The following PLEKHH2 variants were observed in gnomAD, a reference collection of about 807,000 sequenced individuals.
PLEKHH2 encodes the protein pleckstrin homology, MyTH4 and FERM domain containing H2, also known as pleckstrin homology domain-containing family H member 2.
PLEKHH2 carries 129 observed loss-of-function variants against 187.9 expected under a neutral mutation model. The observed-to-expected ratio is 0.69, with a 90% confidence interval of 0.59 to 0.79. PLEKHH2 has a LOEUF of 0.79. PLEKHH2 is among the 30% of genes least tolerant of loss of function. PLEKHH2 has a pLI of 0.00. For synonymous variants in PLEKHH2, 686 were observed against 605.6 expected, an observed-to-expected ratio of 1.13 and a Z score of -1.95; for missense variants, 2,076 against 1,751.2, an observed-to-expected ratio of 1.19 and a Z score of -3.31.
At chr2:43,743,080 G>A (rs539111108) in intron 22 of PLEKHH2, among the ~76,000 whole-genome samples, 162 bp downstream of exon 22, 1 of 152,276 alleles carries the variant, frequency 6.6e-6, no homozygotes, top group African/African-American at 2.4e-5. Context: ...AAACAGTTTT[G>A]CTATAAAGGA....
intron 23 of PLEKHH2, among the ~76,000 whole-genome samples, chr2:43,744,884 A>AAAAG (rs1418867557): frequency 6.1e-4 from 91 of 149,466 alleles, no homozygotes; most frequent in African/African-American, 1.4e-3. Flanking sequence ...AAAAAAAAAA[A>AAAAG]AAAGAAAAAG....
intron 15 of PLEKHH2, among the ~76,000 whole-genome samples, chr2:43,712,662 C>T (rs1370646483): frequency 3.3e-5 from 5 of 152,054 alleles, no homozygotes; most frequent in African/African-American, 4.8e-5. Flanking sequence ...GTATTTGAAA[C>T]ATGTGAAAAC....
chr2:43,739,640 G>A (rs1405751013), intron 20 of PLEKHH2, among the ~76,000 whole-genome samples: 1 of 152,160 alleles, frequency 6.6e-6, no homozygotes, highest in Non-Finnish European at 1.5e-5. Flanking sequence ...TGCCCAAGAG[G>A]GAATCTGAAG....
intron 16 of PLEKHH2, 69 bp from the exon 17 acceptor site, chr2:43,726,203 A>C (rs1670736245): frequency 1.9e-6 from 2 of 1,029,078 alleles, no homozygotes; most frequent in South Asian, 3.3e-5. Flanking sequence ...AATGAAAAGG[A>C]CTATGAAATG....
At chr2:43,675,854 AC>A in intron 2 of PLEKHH2, 1 of 1,614,076 alleles carries the variant, frequency 6.2e-7, no homozygotes, top group Non-Finnish European at 8.5e-7. Context: ...TCCCTTGTAA[AC>A]AAAAGGTACT....
chr2:43,754,258 G>C (rs780911086), intron 25 of PLEKHH2, among the ~76,000 whole-genome samples: 1 of 151,844 alleles, frequency 6.6e-6, no homozygotes, highest in African/African-American at 2.4e-5. Flanking sequence ...CTCACATAGA[G>C]AGCGAGGCAT....
At chr2:43,727,217 A>G (rs1447844460) in intron 17 of PLEKHH2, among the ~76,000 whole-genome samples, 1 of 152,166 alleles carries the variant, frequency 6.6e-6, no homozygotes, top group Non-Finnish European at 1.5e-5. Flanking sequence ...GATCGAGACC[A>G]TCTTGGCCAA....
chr2:43,694,681 T>C (rs1272525221), intron 5 of PLEKHH2, among the ~76,000 whole-genome samples, 167 bp downstream of exon 5: 1 of 152,190 alleles, frequency 6.6e-6, no homozygotes, highest in Non-Finnish European at 1.5e-5. Flanking sequence ...TAATATCCAG[T>C]GTATTTTAAA....
chr2:43,729,843 C>T (rs1016828036), intron 18 of PLEKHH2, 98 bp downstream of exon 18: 1 of 702,010 alleles, frequency 1.4e-6, no homozygotes, highest in South Asian at 3.0e-5. Context: ...TTCCTGTTTC[C>T]CTGAAATATA....
intron 11 of PLEKHH2, among the ~76,000 whole-genome samples, 199 bp downstream of exon 11, chr2:43,707,744 AG>A (rs1271132971): frequency 2.0e-5 from 2 of 102,186 alleles, no homozygotes; most frequent in African/African-American, 1.1e-4. Context: ...CAAATTATAT[AG>A]TTTTTTTTTT....
intron 2 of PLEKHH2, chr2:43,676,266 G>A (rs1558462904): frequency 6.2e-7 from 1 of 1,613,670 alleles, no homozygotes; most frequent in African/African-American, 1.3e-5. Flanking sequence ...TCAAAACCCA[G>A]GAAATGCTCC....
intron 2 of PLEKHH2, chr2:43,658,973 C>CT (rs34486426): frequency 0.41 from 50,793 of 122,712 alleles, 11,694 homozygotes; most frequent in Non-Finnish European, 0.48. Flanking sequence ...TTTTTTCTTT[C>CT]TTTTTTTTTT....
chr2:43,656,214 C>A (rs948128304), intron 2 of PLEKHH2, among the ~76,000 whole-genome samples: 3 of 152,180 alleles, frequency 2.0e-5, no homozygotes, highest in African/African-American at 7.2e-5. Flanking sequence ...GCCTCTGTCT[C>A]CCAAAGTGCT....
At chr2:43,725,296 C>A (rs1670686884) in intron 16 of PLEKHH2, among the ~76,000 whole-genome samples, 1 of 152,148 alleles carries the variant, frequency 6.6e-6, no homozygotes, top group Non-Finnish European at 1.5e-5. Context: ...GTAGGCACCC[C>A]CTCTAGTCTG....
chr2:43,685,579 C>T (rs2104447278), intron 3 of PLEKHH2, among the ~76,000 whole-genome samples: 1 of 151,868 alleles, frequency 6.6e-6, no homozygotes, highest in East Asian at 1.9e-4. Context: ...AGGCATGTGC[C>T]ACCACACCCA....
chr2:43,666,409 T>G (rs1338685451), intron 2 of PLEKHH2, among the ~76,000 whole-genome samples: 1 of 147,788 alleles, frequency 6.8e-6, no homozygotes, highest in Non-Finnish European at 1.5e-5. Flanking sequence ...GTACCTCAGA[T>G]GGAAATGCAG....
chr2:43,731,824 A>G (rs978714721), intron 19 of PLEKHH2, among the ~76,000 whole-genome samples: 3 of 152,190 alleles, frequency 2.0e-5, no homozygotes, highest in Admixed American at 6.5e-5. Flanking sequence ...ATTAATGTGT[A>G]TGGTTTGGGC....
chr2:43,749,037 A>G (rs1450588093), intron 24 of PLEKHH2, among the ~76,000 whole-genome samples: 1 of 152,262 alleles, frequency 6.6e-6, no homozygotes, highest in East Asian at 1.9e-4. Context: ...GATTACAGGC[A>G]TGAGCCACTG....
intron 9 of PLEKHH2, 64 bp downstream of exon 9, chr2:43,704,120 A>G: frequency 1.8e-6 from 2 of 1,108,684 alleles, no homozygotes; most frequent in East Asian, 4.7e-5. Context: ...GGGATAGTAT[A>G]ATACAAATAC....
Sources: allele counts gnomAD v4.1 joint callset (sites outside exome capture counted in the v4.1 genomes callset), GRCh38; gene constraint gnomAD v4.1.1; transcripts MANE v1.5; gene names NCBI Gene and HGNC (gene_info 2026-07-23, HGNC 2026-07-21).